Variants in FGF12 observed in about 807,000 individuals in gnomAD.
FGF12 encodes the protein fibroblast growth factor 12, also known as fibroblast growth factor 12B.
In FGF12, 14 loss-of-function variants were observed where a neutral mutation model predicts 23.6. The observed-to-expected ratio is 0.59, with a 90% CI of 0.39 to 0.93. The LOEUF (loss-of-function observed/expected upper bound fraction) is 0.93. Among genes scored for constraint, FGF12 ranks in the 40% least tolerant of loss-of-function variants. FGF12 has a pLI of 0.00. For missense variants in FGF12, 175 were observed against 217.8 expected (o/e 0.80, Z 1.24); for synonymous variants, 62 against 77.3 (o/e 0.80, Z 1.04).
chr3:192,348,205 A>G (rs550020776), intron 3 of FGF12, among the ~76,000 whole-genome samples: 1 of 152,290 alleles, frequency 6.6e-6, no homozygotes, highest in African/African-American at 2.4e-5. Flanking sequence ...AATGCTGTGC[A>G]TACATAGTCT....
intron 4 of FGF12, among the ~76,000 whole-genome samples, chr3:192,305,679 A>AAAAAAATATAT (rs1423738741): frequency 3.3e-4 from 43 of 131,932 alleles, no homozygotes; most frequent in African/African-American, 1.2e-3. Flanking sequence ...AAAAAAAAAA[A>AAAAAAATATAT]ATATATATAT....
intron 2 of FGF12, among the ~76,000 whole-genome samples, chr3:192,650,427 G>T (rs1237639993): frequency 6.6e-6 from 1 of 152,076 alleles, no homozygotes; most frequent in African/African-American, 2.4e-5. Context: ...TTCCACTTTT[G>T]ATAAACTCCT....
intron 5 of FGF12, among the ~76,000 whole-genome samples, chr3:192,144,419 T>G (rs1445594822): frequency 6.6e-6 from 1 of 152,174 alleles, no homozygotes; most frequent in Admixed American, 6.5e-5. Flanking sequence ...AAGAGGATTT[T>G]CATCCAGAGT....
At chr3:192,495,384 A>C (rs1723924429) in intron 2 of FGF12, among the ~76,000 whole-genome samples, 1 of 152,144 alleles carries the variant, frequency 6.6e-6, no homozygotes, top group African/African-American at 2.4e-5. Context: ...GTTTTTTCCC[A>C]AGATACTTAC....
chr3:192,422,117 A>G (rs1002294654), intron 2 of FGF12, among the ~76,000 whole-genome samples: 27 of 152,046 alleles, frequency 1.8e-4, no homozygotes, highest in Admixed American at 1.6e-3. Context: ...CTGTTGGTGA[A>G]CAGTTTTGTA....
chr3:192,487,670 T>C lies in FGF12; in HGVS notation c.14-127132A>G, dbSNP rs1023838514. Among the ~76,000 whole-genome samples, 3 of 152,108 alleles carry C rather than the reference T, an allele frequency of 2.0e-5. No homozygotes were observed. The South Asian group carries it at 6.2e-4, about 31-fold the overall frequency. ...CCTAACGTGCTTTGTTTATAATATGTTTATAATGTAAACGTAAAGAATGTA... is the reference window on the plus strand; with the variant it reads ...CCTAACGTGCTTTGTTTATAATATGCTTATAATGTAAACGTAAAGAATGTA... On this transcript the variant is annotated intron_variant, in intron 2 of 5. Coordinates refer to ENST00000445105, the MANE Select transcript of FGF12 (RefSeq NM_004113.6).
At chr3:192,638,773 A>G (rs1433878897) in intron 2 of FGF12, among the ~76,000 whole-genome samples, 2 of 152,224 alleles carry the variant, frequency 1.3e-5, no homozygotes, top group African/African-American at 4.8e-5. Flanking sequence ...TTGTGGGAGT[A>G]TTGGATGGGA....
chr3:192,432,750 T>C (rs535049564), intron 2 of FGF12, among the ~76,000 whole-genome samples: 1 of 152,016 alleles, frequency 6.6e-6, no homozygotes, highest in Admixed American at 6.6e-5. Context: ...CTGAGCTCCA[T>C]GTGAGAACCA....
intron 3 of FGF12, among the ~76,000 whole-genome samples, chr3:192,351,266 T>C (rs1414305828): frequency 1.3e-5 from 2 of 152,140 alleles, no homozygotes; most frequent in African/African-American, 4.8e-5. Context: ...AACAAAGGAT[T>C]CATTCCTCAG....
At chr3:192,181,901 T>C (rs117946439) in intron 4 of FGF12, among the ~76,000 whole-genome samples, 1 of 152,034 alleles carries the variant, frequency 6.6e-6, no homozygotes, top group Admixed American at 6.6e-5. Flanking sequence ...TGGGCCACCA[T>C]GCTCAGCCAA....
At chr3:192,715,612 GA>G (rs776781674) in intron 2 of FGF12, among the ~76,000 whole-genome samples, 2 of 152,168 alleles carry the variant, frequency 1.3e-5, no homozygotes, top group Non-Finnish European at 2.9e-5. Context: ...GGGGATAATT[GA>G]AACCTTGTCT....
intron 2 of FGF12, among the ~76,000 whole-genome samples, chr3:192,622,433 A>G (rs1715008941): frequency 6.6e-6 from 1 of 152,130 alleles, no homozygotes. Context: ...TAAGACACCC[A>G]AGACATACAA....
intron 2 of FGF12, among the ~76,000 whole-genome samples, chr3:192,377,118 C>A (rs1719552737): frequency 6.6e-6 from 1 of 152,200 alleles, no homozygotes; most frequent in Non-Finnish European, 1.5e-5. Flanking sequence ...ACACTTTCCA[C>A]CCATTGCCCT....
intron 2 of FGF12, among the ~76,000 whole-genome samples, chr3:192,393,297 C>T (rs983820217): frequency 6.6e-6 from 1 of 152,176 alleles, no homozygotes; most frequent in Non-Finnish European, 1.5e-5. Flanking sequence ...AGTAAACTAG[C>T]CAGTGATTCA....
chr3:192,336,138 T>C lies in FGF12; in HGVS notation c.125-674A>G, dbSNP rs556703430. On this transcript the variant is annotated intron_variant, in intron 3 of 5. Coordinates refer to ENST00000445105, the MANE Select transcript of FGF12 (RefSeq NM_004113.6). This position sits in a 1 kb window ranked among gnomAD's most constrained non-coding sequence, Gnocchi z 4.3. Reference sequence around the variant, plus strand: ...ACACACACACACACACACACACACATATACACACATATATACATACTATAT... The same window carrying C: ...ACACACACACACACACACACACACACATACACACATATATACATACTATAT... Among the ~76,000 whole-genome samples, 11,824 of 137,346 alleles carry C rather than the reference T, an allele frequency of 0.086. 590 individuals carry two copies. Among genetic ancestry groups the C allele is most frequent in the East Asian group, 0.15 (762 of 5,012 alleles). The allele number at this position is 137,346 out of a possible 152,430, so 90.1% of individuals were successfully genotyped here. A position where few individuals can be genotyped will look rare whatever the true frequency, so the allele number is the denominator to read the frequency against.
At chr3:192,253,100 C>T (rs1317222006) in intron 4 of FGF12, among the ~76,000 whole-genome samples, 1 of 152,106 alleles carries the variant, frequency 6.6e-6, no homozygotes, top group East Asian at 1.9e-4. Flanking sequence ...CTCTACTTTT[C>T]ACTGAAGGAA....
At chr3:192,167,731 GTATATATATATATATA>G (rs11394352) in intron 5 of FGF12, among the ~76,000 whole-genome samples, 14 of 25,046 alleles carry the variant, frequency 5.6e-4, no homozygotes, top group East Asian at 1.6e-3. Context: ...TAGGTTATAG[GTATATATATATATATA>G]TATATATATA....
At chr3:192,165,659 T>C (rs75470801) in intron 5 of FGF12, among the ~76,000 whole-genome samples, 10,571 of 152,194 alleles carry the variant, frequency 0.069, 443 homozygotes, top group African/African-American at 0.11. Context: ...CCAATGTGTT[T>C]CTCATCATAT....
intron 2 of FGF12, among the ~76,000 whole-genome samples, chr3:192,610,752 C>G (rs1414797680): frequency 6.6e-6 from 1 of 152,052 alleles, no homozygotes; most frequent in Non-Finnish European, 1.5e-5. Flanking sequence ...CTTTGACTAT[C>G]TCTTACTCCT....
Sources: gnomAD v4.1 joint callset for allele counts (sites outside exome capture counted in the v4.1 genomes callset) on GRCh38, gnomAD v4.1.1 for gene constraint, Gnocchi (gnomAD v3.1) non-coding constraint, MANE v1.5 for transcripts, NCBI Gene and HGNC (gene_info 2026-07-23, HGNC 2026-07-21) for gene names.